Variants in GLIS3 observed in about 807,000 individuals in gnomAD.
GLIS3 encodes GLIS family zinc finger 3, also known as zinc finger protein GLIS3.
Under a neutral mutation model 78.6 loss-of-function variants are expected in GLIS3, and 53 were observed. The observed-to-expected ratio is 0.67, with a 90% confidence interval of 0.54 to 0.85. The LOEUF is 0.85. GLIS3 is among the 40% of genes least tolerant of loss of function. GLIS3 has a pLI of 0.00. For missense variants in GLIS3, 1,703 were observed against 1,231.1 expected (o/e 1.38, Z -5.74); for synonymous variants, 684 against 509.9 (o/e 1.34, Z -4.60).
intron 1 of GLIS3, among the ~76,000 whole-genome samples, chr9:4,347,727 T>G (rs1563941037): frequency 6.6e-6 from 1 of 152,034 alleles, no homozygotes; most frequent in Non-Finnish European, 1.5e-5. Flanking sequence ...TGGTTTGGTT[T>G]TTTTGAGGTT....
chr9:4,295,758 C>T (rs533902851), intron 1 of GLIS3, among the ~76,000 whole-genome samples: 1 of 152,100 alleles, frequency 6.6e-6, no homozygotes, highest in Non-Finnish European at 1.5e-5. Flanking sequence ...TGTGCTTTTC[C>T]GTAAGGATAT....
intron 4 of GLIS3, among the ~76,000 whole-genome samples, chr9:3,988,146 G>C (rs116430180): frequency 3.4e-4 from 51 of 152,058 alleles, no homozygotes; most frequent in African/African-American, 1.2e-3. Context: ...TGAAAGGAGA[G>C]ACTTGTCAAC....
intron 4 of GLIS3, among the ~76,000 whole-genome samples, chr9:3,996,230 A>T (rs1464741180): frequency 6.6e-6 from 1 of 152,302 alleles, no homozygotes; most frequent in Middle Eastern, 3.4e-3. Context: ...ACAGATCCTC[A>T]CTAAAGGAAC....
At chr9:4,101,814 G>C (rs575155138) in intron 4 of GLIS3, among the ~76,000 whole-genome samples, 1 of 152,240 alleles carries the variant, frequency 6.6e-6, no homozygotes, top group African/African-American at 2.4e-5. Flanking sequence ...CTGTTAATGA[G>C]TCACTGTATC....
chr9:3,991,759 C>A (rs932589457), intron 4 of GLIS3, among the ~76,000 whole-genome samples: 9 of 136,676 alleles, frequency 6.6e-5, no homozygotes, highest in East Asian at 4.5e-4. Context: ...GGTGGGATCT[C>A]GGCTCACTGC....
intron 4 of GLIS3, among the ~76,000 whole-genome samples, chr9:4,057,429 T>G (rs921710759): frequency 6.6e-6 from 1 of 152,148 alleles, no homozygotes; most frequent in African/African-American, 2.4e-5. Flanking sequence ...AAGAGCTTGA[T>G]AGGAAAGCAC....
intron 4 of GLIS3, among the ~76,000 whole-genome samples, chr9:4,000,777 G>C (rs1821075062): frequency 6.6e-6 from 1 of 152,064 alleles, no homozygotes; most frequent in African/African-American, 2.4e-5. Context: ...AGATGCCCAA[G>C]CCCATAGCTG....
intron 2 of GLIS3, among the ~76,000 whole-genome samples, chr9:4,186,075 G>C (rs533096057): frequency 6.6e-6 from 1 of 151,684 alleles, no homozygotes; most frequent in Non-Finnish European, 1.5e-5. Context: ...ATGTATACAT[G>C]TGCCATGCTG....
chr9:4,410,471 T>C, the GLIS3 span, among the ~76,000 whole-genome samples: 1 of 152,188 alleles, frequency 6.6e-6, no homozygotes, highest in Non-Finnish European at 1.5e-5. Context: ...ATATAAAGAA[T>C]TCATGCATCT....
Position 3,828,181 on chromosome 9 carries a change from A to G in GLIS3, c.*91T>C, listed in dbSNP as rs960962126. ...TGCAGGGCCCGCTGATTGGGCTGAC[A>G]TCCTTCCTCAAGCAGTCTGTGAGAG... On this transcript the variant is annotated 3_prime_UTR_variant, in exon 11 of 11. Transcript: ENST00000381971. 7.4e-6 allele frequency: 11 copies of G among 1,488,734 alleles called. No homozygotes were observed. Among genetic ancestry groups the G allele is most frequent in the Admixed American group, 1.7e-5 (1 of 59,738 alleles). 92.2% of individuals were successfully genotyped at this position (1,488,734 alleles called of 1,614,324 possible).
intron 2 of GLIS3, among the ~76,000 whole-genome samples, chr9:4,311,872 TC>T (rs1275986509): frequency 6.6e-6 from 1 of 152,144 alleles, no homozygotes; most frequent in Non-Finnish European, 1.5e-5. Context: ...ACTTAAATGA[TC>T]AAGAAAACAG....
At chr9:4,116,331 G>A (rs950009849) in intron 4 of GLIS3, among the ~76,000 whole-genome samples, 2 of 152,158 alleles carry the variant, frequency 1.3e-5, no homozygotes, top group African/African-American at 4.8e-5. Flanking sequence ...TTGTTTCTTT[G>A]TGGCATTTTT....
At chr9:4,275,891 G>T (rs142819663) in intron 2 of GLIS3, among the ~76,000 whole-genome samples, 16 of 152,298 alleles carry the variant, frequency 1.1e-4, no homozygotes, top group Admixed American at 5.2e-4. Flanking sequence ...ATAGGATGCT[G>T]CCTTTAATCA....
At chr9:4,008,079 A>G (rs553546994) in intron 4 of GLIS3, among the ~76,000 whole-genome samples, 2 of 152,248 alleles carry the variant, frequency 1.3e-5, no homozygotes, top group Non-Finnish European at 2.9e-5. Context: ...CTTAGATTCT[A>G]TCTAAACTTA....
chr9:4,298,985 T>A (rs1419501875), intron 1 of GLIS3, among the ~76,000 whole-genome samples: 2 of 152,138 alleles, frequency 1.3e-5, no homozygotes, highest in Non-Finnish European at 2.9e-5. Flanking sequence ...CAGTTCCCAC[T>A]TCGCCAAAGT....
intron 2 of GLIS3, among the ~76,000 whole-genome samples, chr9:4,189,561 G>A (rs899740290): frequency 6.6e-6 from 1 of 152,142 alleles, no homozygotes; most frequent in Non-Finnish European, 1.5e-5. Context: ...TTAACTTTCT[G>A]TCTCGTTGAT....
intron 2 of GLIS3, among the ~76,000 whole-genome samples, chr9:4,269,380 G>C (rs1174421431): frequency 1.3e-5 from 2 of 152,166 alleles, no homozygotes; most frequent in Non-Finnish European, 2.9e-5. Flanking sequence ...TTTATTTCAT[G>C]ATTCTTATTT....
At chr9:4,232,186 T>C (rs1444801801) in intron 2 of GLIS3, among the ~76,000 whole-genome samples, 2 of 152,018 alleles carry the variant, frequency 1.3e-5, no homozygotes, top group Non-Finnish European at 2.9e-5. Flanking sequence ...AAGACCATCC[T>C]AAGCAACATA....
intron 4 of GLIS3, among the ~76,000 whole-genome samples, chr9:4,033,169 G>T (rs138774348): frequency 3.3e-5 from 5 of 152,256 alleles, no homozygotes; most frequent in African/African-American, 1.2e-4. Flanking sequence ...GAGAATTCTT[G>T]AACTTCTCAG....
Sources: allele counts gnomAD v4.1 joint callset (sites outside exome capture counted in the v4.1 genomes callset), GRCh38; gene constraint gnomAD v4.1.1; transcripts MANE v1.5; gene names NCBI Gene and HGNC (gene_info 2026-07-23, HGNC 2026-07-21).